The following KCNAB1 variants were observed in gnomAD, a reference collection of about 807,000 sequenced individuals.
The protein encoded by KCNAB1 is potassium voltage-gated channel subfamily A regulatory beta subunit 1, also known as voltage-gated potassium channel subunit beta-1.
A neutral mutation model predicts 64.6 loss-of-function variants in KCNAB1; 35 were observed. The observed-to-expected ratio is 0.54, with a 90% confidence interval of 0.41 to 0.72. The LOEUF (loss-of-function observed/expected upper bound fraction) is 0.72. Ranked by LOEUF, KCNAB1 falls within the 30% of genes least tolerant of loss-of-function variation. The probability of loss-of-function intolerance (pLI) is 0.00; values close to 1 mark genes in which losing one functional copy is unlikely to be tolerated. For synonymous variants in KCNAB1, 177 were observed against 183.8 expected, an observed-to-expected ratio of 0.96 and a Z score of 0.30; for missense variants, 401 against 512.9, an observed-to-expected ratio of 0.78 and a Z score of 2.11.
chr3:156,296,804 A>G (rs916540698), intron 1 of KCNAB1, among the ~76,000 whole-genome samples: 5 of 152,168 alleles, frequency 3.3e-5, no homozygotes, highest in African/African-American at 1.2e-4. Context: ...GTTAACTACC[A>G]TTAAAATTGT....
At chr3:156,289,429 T>A (rs982237824) in intron 1 of KCNAB1, among the ~76,000 whole-genome samples, 3 of 152,202 alleles carry the variant, frequency 2.0e-5, no homozygotes, top group Non-Finnish European at 4.4e-5. Flanking sequence ...TTGACTCCTT[T>A]CCCAATTCAC....
intron 1 of KCNAB1, among the ~76,000 whole-genome samples, chr3:156,379,871 C>T (rs1363383255): frequency 1.3e-5 from 2 of 152,082 alleles, no homozygotes; most frequent in Admixed American, 6.5e-5. Flanking sequence ...TGGTAAGCAA[C>T]AATTTTTTTC....
At chr3:156,387,009 T>C (rs1026300180) in intron 1 of KCNAB1, among the ~76,000 whole-genome samples, 1 of 132,822 alleles carries the variant, frequency 7.5e-6, no homozygotes, top group Non-Finnish European at 1.6e-5. Flanking sequence ...TTGCTTTCTC[T>C]CTCTCTTTTT....
At chr3:156,130,322 C>T (rs1280849088) in intron 1 of KCNAB1, among the ~76,000 whole-genome samples, 1 of 151,594 alleles carries the variant, frequency 6.6e-6, no homozygotes, top group Non-Finnish European at 1.5e-5. Flanking sequence ...TAGATGTAGC[C>T]TTCATTCCTT....
chr3:156,331,192 A>G (rs982136875), intron 1 of KCNAB1, among the ~76,000 whole-genome samples: 1 of 152,206 alleles, frequency 6.6e-6, no homozygotes, highest in Admixed American at 6.5e-5. Flanking sequence ...CCAGTTATTT[A>G]AAACTATACT....
At chr3:156,277,213 T>A (rs985731837) in intron 1 of KCNAB1, among the ~76,000 whole-genome samples, 2 of 152,156 alleles carry the variant, frequency 1.3e-5, no homozygotes, top group African/African-American at 4.8e-5. Context: ...AAATTTGCCA[T>A]CTTATATGGG....
chr3:156,253,893 G>T (rs1186271960), intron 1 of KCNAB1, among the ~76,000 whole-genome samples: 3 of 152,192 alleles, frequency 2.0e-5, no homozygotes, highest in African/African-American at 7.2e-5. Flanking sequence ...ACCAAACATG[G>T]AGGCCATGCC....
At chr3:156,235,402 A>T (rs1716789903) in intron 1 of KCNAB1, among the ~76,000 whole-genome samples, 1 of 152,196 alleles carries the variant, frequency 6.6e-6, no homozygotes. Context: ...ATGTTGCTCG[A>T]CTAAGCAGCA....
chr3:156,322,964 G>A (rs761208698), intron 1 of KCNAB1, among the ~76,000 whole-genome samples: 2 of 152,142 alleles, frequency 1.3e-5, no homozygotes, highest in Non-Finnish European at 2.9e-5. Flanking sequence ...TCTTTTATTA[G>A]AAGATGATGC....
chr3:156,462,071 T>A (rs562493403), intron 5 of KCNAB1, among the ~76,000 whole-genome samples: 37 of 152,368 alleles, frequency 2.4e-4, no homozygotes, highest in African/African-American at 8.9e-4. Flanking sequence ...AGTGTCATGC[T>A]GACAGAGTGA....
At chr3:156,233,724 G>A (rs1317178047) in intron 1 of KCNAB1, among the ~76,000 whole-genome samples, 1 of 152,068 alleles carries the variant, frequency 6.6e-6, no homozygotes, top group African/African-American at 2.4e-5. Context: ...GAGACAGTGA[G>A]GAGTGGTCAG....
In KCNAB1 at chr3:156,152,520, A is replaced by G. The variant is rs140454287; in HGVS notation, c.275+31634A>G. 9.3e-4 allele frequency among the ~76,000 whole-genome samples: 141 copies of G among 152,266 alleles called. 4 individuals are homozygous for G. The East Asian group carries it at 0.025, about 27-fold the overall frequency. ...GCTTTCAGAAAGATGCAGGTTCTCA[A>G]TGGGCTAGATGGAACATTTTTAGAC... On this transcript the variant is annotated intron_variant, in intron 1 of 13. Transcript: ENST00000490337.
At chr3:156,384,964 C>T (rs1712474571) in intron 1 of KCNAB1, among the ~76,000 whole-genome samples, 1 of 152,106 alleles carries the variant, frequency 6.6e-6, no homozygotes, top group Non-Finnish European at 1.5e-5. Flanking sequence ...CAGCTGGCCC[C>T]ATGGGAAGGA....
intron 1 of KCNAB1, among the ~76,000 whole-genome samples, chr3:156,363,776 T>C (rs951921892): frequency 6.6e-6 from 1 of 152,176 alleles, no homozygotes; most frequent in Non-Finnish European, 1.5e-5. Context: ...GCACCTGGCC[T>C]CAGCAATCTT....
chr3:156,448,824 A>G (rs979224619), intron 2 of KCNAB1, among the ~76,000 whole-genome samples: 2 of 152,188 alleles, frequency 1.3e-5, no homozygotes, highest in African/African-American at 2.4e-5. Context: ...CCAAAATTTT[A>G]AAGATTAATA....
chr3:156,186,206 T>C (rs1348388061), intron 1 of KCNAB1, among the ~76,000 whole-genome samples: 1 of 152,208 alleles, frequency 6.6e-6, no homozygotes, highest in African/African-American at 2.4e-5. Flanking sequence ...CATCTCTCTT[T>C]TCAAGTTCCC....
intron 8 of KCNAB1, among the ~76,000 whole-genome samples, chr3:156,506,128 G>A (rs1716820369): frequency 6.6e-6 from 1 of 152,164 alleles, no homozygotes. Flanking sequence ...CAGCTAGTTT[G>A]TTGTTATCGT....
At chr3:156,475,538 AT>A in intron 8 of KCNAB1, among the ~76,000 whole-genome samples, 1 of 152,338 alleles carries the variant, frequency 6.6e-6, no homozygotes, top group South Asian at 2.1e-4. Context: ...AATCATATGG[AT>A]TATCACTTAC....
At chr3:156,331,619 T>C (rs1237351047) in intron 1 of KCNAB1, among the ~76,000 whole-genome samples, 3 of 152,202 alleles carry the variant, frequency 2.0e-5, no homozygotes. Flanking sequence ...TTTCACTTTT[T>C]TATGGTATTA....
Sources: gnomAD v4.1 joint callset for allele counts (sites outside exome capture counted in the v4.1 genomes callset) on GRCh38, gnomAD v4.1.1 for gene constraint, MANE v1.5 for transcripts, NCBI Gene and HGNC (gene_info 2026-07-23, HGNC 2026-07-21) for gene names.